HIPK2: variants seen among roughly 807,000 people sequenced by gnomAD.
HIPK2 encodes homeodomain interacting protein kinase 2.
Under a neutral mutation model 113.7 loss-of-function variants are expected in HIPK2, and 27 were observed. That is an observed-to-expected ratio of 0.24 (90% CI 0.17 to 0.33). The LOEUF (loss-of-function observed/expected upper bound fraction) is 0.33, where lower values mean the gene tolerates loss of function less well. Ranked by LOEUF, HIPK2 falls within the 10% of genes least tolerant of loss-of-function variation. HIPK2 has a pLI of 1.00. For missense variants in HIPK2, 1,257 were observed against 1,588.0 expected (o/e 0.79, Z 3.54); for synonymous variants, 631 against 642.2 (o/e 0.98, Z 0.26).
chr7:139,669,572 T>C (rs1802187343), intron 2 of HIPK2, among the ~76,000 whole-genome samples: 1 of 143,156 alleles, frequency 7.0e-6, no homozygotes, highest in South Asian at 2.1e-4. Flanking sequence ...GAGATGAGCA[T>C]GAGACCACAT....
chr7:139,675,786 A>G (rs1385528702), intron 2 of HIPK2, among the ~76,000 whole-genome samples: 1 of 152,164 alleles, frequency 6.6e-6, no homozygotes, highest in Non-Finnish European at 1.5e-5. Context: ...TGGGACTGGG[A>G]GAAGGACAAG....
chr7:139,586,519 G>C (rs771714696), intron 12 of HIPK2, among the ~76,000 whole-genome samples: 2 of 151,928 alleles, frequency 1.3e-5, no homozygotes, highest in Admixed American at 1.3e-4. Context: ...CTGTAATCTC[G>C]GTGCTTTGGG....
intron 2 of HIPK2, among the ~76,000 whole-genome samples, chr7:139,692,433 C>T (rs1268859550): frequency 6.6e-6 from 1 of 152,108 alleles, no homozygotes; most frequent in African/African-American, 2.4e-5. Flanking sequence ...GCTCTGTATA[C>T]CCTGCACTAT....
intron 14 of HIPK2, 165 bp downstream of exon 14, chr7:139,574,963 G>T: frequency 2.4e-6 from 1 of 424,268 alleles, no homozygotes; most frequent in South Asian, 9.9e-5. Flanking sequence ...GGTGACCTGT[G>T]GTAGAAAAAG....
At chr7:139,616,713 G>A (rs1190768671) in intron 7 of HIPK2, among the ~76,000 whole-genome samples, 3 of 152,158 alleles carry the variant, frequency 2.0e-5, no homozygotes, top group Non-Finnish European at 4.4e-5. Context: ...CCCAGCTCCT[G>A]TTACAATCTG....
chr7:139,587,688 G>A (rs1266507978), intron 12 of HIPK2, among the ~76,000 whole-genome samples: 1 of 151,858 alleles, frequency 6.6e-6, no homozygotes, highest in Non-Finnish European at 1.5e-5. Context: ...AGAGCAGCCT[G>A]GGCAACACAG....
rs957727948 is a variant in HIPK2 at position 139,683,464 on chromosome 7, A to G, written c.1103+32468T>C. On this transcript the variant is annotated intron_variant, in intron 2 of 14. Coordinates refer to ENST00000406875, the MANE Select transcript of HIPK2 (RefSeq NM_022740.5). The surrounding 1 kb of genome is among the most constrained non-coding windows in gnomAD (Gnocchi z 4.2). Reference sequence around the variant, plus strand: ...TCCTCCCTACGGGGGCCTCCACAGGACTGCTCACAACACGGGAGCCAAAGC... The same window carrying G: ...TCCTCCCTACGGGGGCCTCCACAGGGCTGCTCACAACACGGGAGCCAAAGC... Among the ~76,000 whole-genome samples the G allele has an allele frequency of 2.6e-5, 4 of 152,140 alleles. No homozygotes were observed. Among genetic ancestry groups the G allele is most frequent in the Admixed American group, 1.3e-4 (2 of 15,288 alleles).
intron 2 of HIPK2, among the ~76,000 whole-genome samples, chr7:139,658,496 A>G (rs992347347): frequency 4.6e-5 from 7 of 152,248 alleles, no homozygotes; most frequent in Non-Finnish European, 8.8e-5. Flanking sequence ...TTTCAGGGAA[A>G]GTGACTTCAT....
At chr7:139,573,982 C>G (rs908365944) in intron 14 of HIPK2, among the ~76,000 whole-genome samples, 67 of 152,108 alleles carry the variant, frequency 4.4e-4, no homozygotes, top group African/African-American at 1.6e-3. Flanking sequence ...CGTACAGAAG[C>G]TGTGAAGTAT....
intron 1 of HIPK2, among the ~76,000 whole-genome samples, chr7:139,758,668 C>T (rs930490085): frequency 7.2e-5 from 11 of 152,124 alleles, no homozygotes; most frequent in South Asian, 4.1e-4. Flanking sequence ...GCGAGGGATC[C>T]AGATTGTGCG....
intron 1 of HIPK2, among the ~76,000 whole-genome samples, chr7:139,745,751 G>A (rs1401485502): frequency 6.6e-6 from 1 of 152,102 alleles, no homozygotes; most frequent in Non-Finnish European, 1.5e-5. Flanking sequence ...GGCCAGGCCT[G>A]CTGGCTCGAG....
chr7:139,632,772 T>C (rs1417553492), intron 2 of HIPK2, among the ~76,000 whole-genome samples: 1 of 152,054 alleles, frequency 6.6e-6, no homozygotes, highest in Admixed American at 6.5e-5. Flanking sequence ...ACAGCTTATG[T>C]TTTTTTAAAA....
intron 1 of HIPK2, among the ~76,000 whole-genome samples, chr7:139,761,833 T>A (rs933749555): frequency 2.0e-5 from 3 of 151,904 alleles, no homozygotes; most frequent in Admixed American, 2.0e-4. Context: ...TCCAAAAAAA[T>A]CAGATAATAA....
intron 1 of HIPK2, among the ~76,000 whole-genome samples, chr7:139,748,606 G>C (rs1379026505): frequency 6.6e-6 from 1 of 151,918 alleles, no homozygotes; most frequent in Non-Finnish European, 1.5e-5. Context: ...CCCTGTGGGC[G>C]TGTCTGTGTC....
intron 1 of HIPK2, among the ~76,000 whole-genome samples, chr7:139,762,801 T>C (rs1195297738): frequency 1.3e-5 from 2 of 152,128 alleles, no homozygotes; most frequent in Admixed American, 6.5e-5. Context: ...CAACCACAGA[T>C]GGGTTTCTAT....
intron 2 of HIPK2, among the ~76,000 whole-genome samples, chr7:139,672,528 C>T (rs1363171411): frequency 5.3e-5 from 8 of 152,100 alleles, no homozygotes; most frequent in African/African-American, 1.7e-4. Context: ...TGCAATGGCG[C>T]GATCTCGGCT....
chr7:139,670,847 T>C (rs1212328027), intron 2 of HIPK2, among the ~76,000 whole-genome samples: 1 of 137,072 alleles, frequency 7.3e-6, no homozygotes, highest in African/African-American at 2.7e-5. Context: ...CACTGCCCTC[T>C]CCGCCTTCCA....
chr7:139,663,378 G>A (rs1164366513), intron 2 of HIPK2, among the ~76,000 whole-genome samples: 1 of 152,130 alleles, frequency 6.6e-6, no homozygotes, highest in Non-Finnish European at 1.5e-5. Flanking sequence ...CAATGCAGCT[G>A]GAGAGTCACA....
At chr7:139,687,237 C>A (rs765464183) in intron 2 of HIPK2, among the ~76,000 whole-genome samples, 8 of 152,218 alleles carry the variant, frequency 5.3e-5, no homozygotes, top group Non-Finnish European at 7.3e-5. Context: ...CTAGCTCTAG[C>A]ATTTTAAAAT....
Sources: allele counts gnomAD v4.1 joint callset (sites outside exome capture counted in the v4.1 genomes callset), GRCh38; gene constraint gnomAD v4.1.1; non-coding constraint Gnocchi (gnomAD v3.1); transcripts MANE v1.5; gene names NCBI Gene and HGNC (gene_info 2026-07-23, HGNC 2026-07-21).